The following CDH9 variants were observed in gnomAD, a reference collection of about 807,000 sequenced individuals.
The protein encoded by CDH9 is cadherin-9.
CDH9 carries 28 observed loss-of-function variants against 70.9 expected under a neutral mutation model. The observed-to-expected ratio is 0.40, with a 90% CI of 0.29 to 0.54. CDH9 has a LOEUF of 0.54. Ranked by LOEUF, CDH9 falls within the 20% of genes least tolerant of loss-of-function variation. The pLI is 0.59. For synonymous variants in CDH9, 409 were observed against 343.1 expected (o/e 1.19, Z -2.12); for missense variants, 874 against 984.4 (o/e 0.89, Z 1.50).
chr5:27,029,005 T>C (rs1285703570), intron 1 of CDH9, among the ~76,000 whole-genome samples: 7 of 151,966 alleles, frequency 4.6e-5, no homozygotes, highest in African/African-American at 1.4e-4. Flanking sequence ...ATTAATTTTC[T>C]CAAGAAGAAT....
chr5:27,006,095 C>A (rs898698305), intron 1 of CDH9, among the ~76,000 whole-genome samples: 4 of 151,896 alleles, frequency 2.6e-5, no homozygotes, highest in African/African-American at 9.7e-5. Flanking sequence ...GGGTGACTAC[C>A]TAATCTGTAC....
At chr5:26,976,840 CTT>C (rs960541709) in intron 2 of CDH9, among the ~76,000 whole-genome samples, 4 of 151,772 alleles carry the variant, frequency 2.6e-5, no homozygotes, top group Admixed American at 6.6e-5. Context: ...TATATCTTCT[CTT>C]ATGTTTTTCT....
chr5:27,037,669 A>T (rs1156252928), intron 1 of CDH9, among the ~76,000 whole-genome samples: 4 of 151,982 alleles, frequency 2.6e-5, no homozygotes, highest in African/African-American at 9.7e-5. Flanking sequence ...TGCTCCACCA[A>T]ATCAATGCAT....
intron 7 of CDH9, among the ~76,000 whole-genome samples, chr5:26,892,650 C>T (rs1263753347): frequency 6.6e-6 from 1 of 152,154 alleles, no homozygotes; most frequent in Non-Finnish European, 1.5e-5. Context: ...CAGTTTGGTG[C>T]TGGCTTTGGC....
chr5:26,938,595 C>T (rs1325105575), intron 2 of CDH9, among the ~76,000 whole-genome samples: 4 of 151,960 alleles, frequency 2.6e-5, no homozygotes, highest in African/African-American at 9.7e-5. Context: ...AATAATACAC[C>T]TAACCTAAGA....
chr5:27,014,670 T>C (rs1283068316), intron 1 of CDH9, among the ~76,000 whole-genome samples: 1 of 151,874 alleles, frequency 6.6e-6, no homozygotes, highest in Non-Finnish European at 1.5e-5. Context: ...TATATAAATA[T>C]AGATATAGAT....
intron 9 of CDH9, 110 bp from the exon 10 acceptor site, chr5:26,886,193 G>T: frequency 7.9e-7 from 1 of 1,257,884 alleles, no homozygotes; most frequent in Non-Finnish European, 1.1e-6. Flanking sequence ...CGAAAACAAA[G>T]CAAGAAAACA....
chr5:26,958,261 A>G (rs569887534), intron 2 of CDH9, among the ~76,000 whole-genome samples: 1 of 152,304 alleles, frequency 6.6e-6, no homozygotes, highest in African/African-American at 2.4e-5. Flanking sequence ...TGTACACGGC[A>G]CCTTTGGTTG....
chr5:26,904,735 C>A (rs1256738651), intron 5 of CDH9, among the ~76,000 whole-genome samples: 1 of 151,954 alleles, frequency 6.6e-6, no homozygotes, highest in South Asian at 2.1e-4. Flanking sequence ...GACCACCTGG[C>A]CAGTTAGTTA....
intron 1 of CDH9, among the ~76,000 whole-genome samples, chr5:27,001,846 T>A (rs9885304): frequency 0.071 from 4,170 of 58,342 alleles, 131 homozygotes; most frequent in African/African-American, 0.15. Flanking sequence ...ACACACACAC[T>A]CTCTCTCTCT....
At chr5:26,896,303 T>C (rs1181711750) in intron 7 of CDH9, among the ~76,000 whole-genome samples, 1 of 151,904 alleles carries the variant, frequency 6.6e-6, no homozygotes, top group Non-Finnish European at 1.5e-5. Context: ...TGGGAAATTA[T>C]CAGATACAGG....
chr5:26,995,512 A>G (rs1422834903), intron 1 of CDH9, among the ~76,000 whole-genome samples: 2 of 152,120 alleles, frequency 1.3e-5, no homozygotes, highest in African/African-American at 2.4e-5. Flanking sequence ...TTGATGGTAT[A>G]TCTTCTTTAT....
chr5:26,951,735 T>C (rs1289349355), intron 2 of CDH9, among the ~76,000 whole-genome samples: 1 of 152,136 alleles, frequency 6.6e-6, no homozygotes, highest in East Asian at 1.9e-4. Context: ...TTGGGTAGTA[T>C]CTCTGATCCA....
intron 2 of CDH9, among the ~76,000 whole-genome samples, chr5:26,923,343 G>C (rs1371545497): frequency 6.6e-6 from 1 of 151,704 alleles, no homozygotes; most frequent in Admixed American, 6.6e-5. Flanking sequence ...TTATAATAAA[G>C]GAGTCAATTC....
In CDH9 at chr5:26,904,044, A is replaced by G. The variant is rs138753673; in HGVS notation, c.812-220T>C. ...TGAGAAGTGTAAGTCCCAGAAAAAA[A>G]AATTAGAGAATGTCCCAAATTTATT... On this transcript the variant is annotated intron_variant, in intron 5 of 11. Coordinates refer to ENST00000231021, the MANE Select transcript of CDH9 (RefSeq NM_016279.4). Among the ~76,000 whole-genome samples, 129 of 152,108 alleles carry G rather than the reference A, an allele frequency of 8.5e-4. No individual in the cohort carries two copies. The East Asian group carries it at 0.014, about 17-fold the overall frequency.
intron 9 of CDH9, among the ~76,000 whole-genome samples, chr5:26,888,872 G>A (rs1201290521): frequency 3.9e-5 from 6 of 152,118 alleles, no homozygotes; most frequent in Non-Finnish European, 8.8e-5. Flanking sequence ...GAAAGAGAGA[G>A]CATGAGCTCT....
At chr5:26,905,814 T>G in intron 5 of CDH9, 145 bp downstream of exon 5, 1 of 638,014 alleles carries the variant, frequency 1.6e-6, no homozygotes, top group South Asian at 2.1e-5. Context: ...AAATTGTGTT[T>G]TTTTTTTGGT....
chr5:26,937,865 G>T (rs944689440), intron 2 of CDH9, among the ~76,000 whole-genome samples: 3 of 151,848 alleles, frequency 2.0e-5, no homozygotes, highest in African/African-American at 7.3e-5. Flanking sequence ...ATTTTTAGGT[G>T]GTGAAATTAG....
chr5:27,003,729 A>C (rs1001151124), intron 1 of CDH9, among the ~76,000 whole-genome samples: 2 of 152,092 alleles, frequency 1.3e-5, no homozygotes, highest in African/African-American at 4.8e-5. Context: ...CAGAAATCTG[A>C]GAAAATATCT....
Sources: gnomAD v4.1 joint callset for allele counts (sites outside exome capture counted in the v4.1 genomes callset) on GRCh38, gnomAD v4.1.1 for gene constraint, MANE v1.5 for transcripts, NCBI Gene and HGNC (gene_info 2026-07-23, HGNC 2026-07-21) for gene names.